Variants in AP3M2 observed in about 807,000 individuals in gnomAD.
AP3M2 encodes the protein AP-3 complex subunit mu-2.
AP3M2 carries 28 observed loss-of-function variants against 41.6 expected under a neutral mutation model. That is an observed-to-expected ratio of 0.67 (90% CI 0.50 to 0.92). AP3M2 has a LOEUF of 0.92. Ranked by LOEUF, AP3M2 falls within the 40% of genes least tolerant of loss-of-function variation. The probability of loss-of-function intolerance (pLI) is 0.00; values close to 1 mark genes in which losing one functional copy is unlikely to be tolerated. For synonymous variants in AP3M2, 193 were observed against 186.4 expected (o/e 1.04, Z -0.29); for missense variants, 427 against 521.4 (o/e 0.82, Z 1.76).
intron 2 of AP3M2, among the ~76,000 whole-genome samples, chr8:42,155,176 G>A (rs1587911534): frequency 6.6e-6 from 1 of 152,302 alleles, no homozygotes; most frequent in Non-Finnish European, 1.5e-5. Flanking sequence ...TCTTGCGTGG[G>A]AAAGTCATCC....
At chr8:42,156,375 C>T (rs908848082) in intron 2 of AP3M2, among the ~76,000 whole-genome samples, 4 of 152,110 alleles carry the variant, frequency 2.6e-5, no homozygotes, top group Non-Finnish European at 4.4e-5. Context: ...CTCAGGTCTC[C>T]GATGTGGATG....
chr8:42,158,394 A>C, intron 3 of AP3M2, among the ~76,000 whole-genome samples: 1 of 151,740 alleles, frequency 6.6e-6, no homozygotes. Context: ...GATTACAGGC[A>C]TGCACCATCA....
chr8:42,158,919 G>A (rs1024905862), intron 3 of AP3M2, among the ~76,000 whole-genome samples: 10 of 151,524 alleles, frequency 6.6e-5, no homozygotes, highest in Non-Finnish European at 1.3e-4. Context: ...TCAGCCTCCC[G>A]AGTAGCTGGG....
intron 2 of AP3M2, chr8:42,155,901 C>T (rs1804340790): frequency 2.2e-6 from 1 of 446,750 alleles, no homozygotes; most frequent in African/African-American, 2.0e-5. Context: ...GTACTCATAT[C>T]TGCACCACGT....
chr8:42,167,147 T>C lies in AP3M2; in HGVS notation c.804-17T>C, dbSNP rs1156944364. On this transcript the variant is annotated splice_polypyrimidine_tract_variant and intron_variant, in intron 6 of 8. Transcript: ENST00000396926. ...CCCAGTGCACGAATGAAATGACTCTTTGTCTCTCATTTCCAGTCTGGTTGC... is the reference window on the plus strand; with the variant it reads ...CCCAGTGCACGAATGAAATGACTCTCTGTCTCTCATTTCCAGTCTGGTTGC... 3.1e-6 allele frequency: 5 copies of C among 1,608,872 alleles called. No individual in the cohort carries two copies. Among genetic ancestry groups the C allele is most frequent in the Non-Finnish European group, 4.3e-6 (5 of 1,175,342 alleles).
chr8:42,157,744 C>T (rs183904527), intron 2 of AP3M2, among the ~76,000 whole-genome samples, 197 bp from the exon 3 acceptor site: 3 of 152,156 alleles, frequency 2.0e-5, no homozygotes, highest in Non-Finnish European at 2.9e-5. Context: ...GACAGTAGTA[C>T]CATAAGCCAG....
At position 42,162,213 on chromosome 8, in the gene AP3M2, C is replaced by G; in HGVS notation, c.446-68C>G. The G allele has an allele frequency of 2.0e-6, 3 of 1,472,870 alleles. No individual in the cohort carries two copies. The South Asian group carries it at 4.1e-5, about 20-fold the overall frequency. 91.2% of individuals were successfully genotyped at this position (1,472,870 alleles called of 1,614,324 possible). ...ATGAATAGTGGGAGCATAGAAACTT[C>G]TAGGGAGGTGTTCTGTGGTTTCTAG... On this transcript the variant is annotated intron_variant, in intron 3 of 8. Transcript: ENST00000396926.
chr8:42,156,531 G>A (rs1411535278), intron 2 of AP3M2, among the ~76,000 whole-genome samples: 5 of 152,154 alleles, frequency 3.3e-5, no homozygotes, highest in Non-Finnish European at 7.3e-5. Flanking sequence ...ATGATGCCTG[G>A]TTTATAAAAC....
chr8:42,165,123 G>C lies in AP3M2; in HGVS notation c.636G>C (p.Leu212=). 6.2e-7 allele frequency: 1 copy of C among 1,614,046 alleles called. No individual in the cohort carries two copies. Among genetic ancestry groups the C allele is most frequent in the South Asian group, 1.1e-5 (1 of 91,044 alleles). ...IQGVIDACVK[L]TGMPDLTLSF... ...GGGTGATTGATGCCTGTGTCAAGCTGACTGGCATGCCAGACCTTACACTTT... is the reference window on the plus strand; with the variant it reads ...GGGTGATTGATGCCTGTGTCAAGCTCACTGGCATGCCAGACCTTACACTTT... The change falls in exon 5 of 9, where the codon CTG becomes CTC. Residue 212 remains leucine (L), a synonymous_variant. Transcript: ENST00000396926.
In AP3M2 at chr8:42,162,315, G is replaced by A. The variant is rs1196289455; in HGVS notation, c.480G>A (p.Gly160=). The A allele has an allele frequency of 6.2e-7, 1 of 1,613,544 alleles. No individual in the cohort carries two copies. The highest frequency in any genetic ancestry group is 2.2e-5 in the East Asian group (1 of 44,862). The change falls in exon 4 of 9, where the codon GGG becomes GGA. Residue 160 remains glycine, a synonymous_variant. Coordinates refer to ENST00000396926, the MANE Select transcript of AP3M2 (RefSeq NM_006803.4). ...STNVGDQLPT[G]QLSVVPWRRT... ...ATGTGGGTGACCAGCTTCCCACTGG[G>A]CAGCTGTCAGTGGTGCCTTGGCGAC...
intron 8 of AP3M2, 46 bp downstream of exon 8, chr8:42,167,856 C>G: frequency 6.4e-7 from 1 of 1,570,370 alleles, no homozygotes; most frequent in East Asian, 2.3e-5. Flanking sequence ...ACAAAAACGG[C>G]TTTCTGCCAT....
intron 2 of AP3M2, chr8:42,156,010 A>G (rs770601799): frequency 3.3e-5 from 15 of 455,208 alleles, no homozygotes; most frequent in South Asian, 1.6e-4. Context: ...GTTCTCATGC[A>G]ACATACCGGC....
intron 6 of AP3M2, among the ~76,000 whole-genome samples, chr8:42,166,622 C>T (rs1426788948): frequency 1.5e-4 from 14 of 91,772 alleles, no homozygotes; most frequent in African/African-American, 6.3e-4. Flanking sequence ...TAAAAATTAG[C>T]GGGGTGTGAT....
rs1185463521 is a variant in AP3M2, at chr8:42,169,288, G to A, written c.*227G>A. ...CAACACCAGTTCTCAAGGACAAGGT[G>A]TGTGATGGGGGTAGGAAGCTTGGTG... On this transcript the variant is annotated 3_prime_UTR_variant, in exon 9 of 9. Transcript: ENST00000396926. 3.5e-5 allele frequency: 14 copies of A among 400,774 alleles called. No individual in the cohort carries two copies. The highest frequency in any genetic ancestry group is 6.2e-5 in the Non-Finnish European group (14 of 227,210). The allele number at this position is 400,774 out of a possible 1,614,324, so 24.8% of individuals were successfully genotyped here.
At chr8:42,157,089 C>T (rs1317005468) in intron 2 of AP3M2, among the ~76,000 whole-genome samples, 11 of 152,176 alleles carry the variant, frequency 7.2e-5, no homozygotes, top group African/African-American at 2.7e-4. Context: ...CTGGAAAAGA[C>T]ATACTGACAT....
intron 4 of AP3M2, among the ~76,000 whole-genome samples, chr8:42,163,958 G>A (rs1020089696): frequency 2.0e-5 from 3 of 152,194 alleles, no homozygotes; most frequent in African/African-American, 7.2e-5. Context: ...TGATTGAAGA[G>A]TTTTAAGTTG....
intron 3 of AP3M2, among the ~76,000 whole-genome samples, chr8:42,159,240 G>A (rs1477454721): frequency 6.6e-6 from 1 of 152,198 alleles, no homozygotes; most frequent in East Asian, 1.9e-4. Flanking sequence ...GCACATCTGG[G>A]ATGATTTCTT....
At chr8:42,168,758 T>C (rs561836648) in intron 8 of AP3M2, among the ~76,000 whole-genome samples, 8 of 152,340 alleles carry the variant, frequency 5.3e-5, no homozygotes, top group African/African-American at 1.9e-4. Context: ...ACAGGTCTTC[T>C]CATAGGTAGC....
rs140138869 is a variant in AP3M2 at position 42,157,982 on chromosome 8, T to C, written c.315T>C (p.Asn105=). 23 of 1,614,200 alleles carry C rather than the reference T, an allele frequency of 1.4e-5. No homozygotes were observed. Among genetic ancestry groups the C allele is most frequent in the Non-Finnish European group, 1.9e-5 (22 of 1,180,032 alleles). ...GTTCAGAGCCAGTGATCAAAGACAA[T>C]GTAGTTGTGGTTTATGAGGTATTGG... The part of the protein sequence containing the change: ...GVCSEPVIKD[N]VVVVYEVLEE... Residue 105 remains asparagine (N), a synonymous_variant, in exon 3 of 9, where the codon AAT becomes AAC. Coordinates refer to ENST00000396926, the MANE Select transcript of AP3M2 (RefSeq NM_006803.4).
Sources: gnomAD v4.1 joint callset for allele counts (sites outside exome capture counted in the v4.1 genomes callset) on GRCh38, gnomAD v4.1.1 for gene constraint, MANE v1.5 for transcripts, NCBI Gene and HGNC (gene_info 2026-07-23, HGNC 2026-07-21) for gene names.